STPG2: variants seen among roughly 807,000 people sequenced by gnomAD.
STPG2 encodes sperm-tail PG-rich repeat-containing protein 2.
In STPG2, 56 loss-of-function variants were observed where a neutral mutation model predicts 54.2. The observed-to-expected ratio is 1.03, with a 90% confidence interval of 0.83 to 1.29. STPG2 has a LOEUF of 1.29. STPG2 is among the 50% of genes most tolerant of loss of function. The pLI, the probability that STPG2 is intolerant of heterozygous loss-of-function variation, is 0.00. For missense variants in STPG2, 596 were observed against 544.9 expected (o/e 1.09, Z -0.93); for synonymous variants, 200 against 181.8 (o/e 1.10, Z -0.81).
chr4:97,675,942 T>C (rs1200917569), intron 10 of STPG2, among the ~76,000 whole-genome samples: 1 of 146,440 alleles, frequency 6.8e-6, no homozygotes, highest in Non-Finnish European at 1.5e-5. Context: ...ATATGCTATA[T>C]ATATAGTATA....
intron 8 of STPG2, among the ~76,000 whole-genome samples, chr4:97,930,872 T>C (rs376968322): frequency 2.6e-5 from 4 of 152,188 alleles, no homozygotes; most frequent in South Asian, 4.1e-4. Context: ...GAGCAGTGTT[T>C]TGTAATTCTC....
At chr4:98,142,782 A>G (rs1022576130) in intron 1 of STPG2, among the ~76,000 whole-genome samples, 1 of 152,196 alleles carries the variant, frequency 6.6e-6, no homozygotes, top group Admixed American at 6.5e-5. Flanking sequence ...AAACTGCACA[A>G]TCAAAAGTAG....
At chr4:97,839,948 T>C (rs1342622898) in intron 9 of STPG2, among the ~76,000 whole-genome samples, 3 of 151,628 alleles carry the variant, frequency 2.0e-5, no homozygotes, top group Non-Finnish European at 3.0e-5. Flanking sequence ...ACACCTGTAA[T>C]TTATTGTTGA....
chr4:97,862,516 G>T (rs933078143), intron 8 of STPG2, among the ~76,000 whole-genome samples: 62 of 151,758 alleles, frequency 4.1e-4, no homozygotes, highest in Non-Finnish European at 6.9e-4. Flanking sequence ...AACACCCCAT[G>T]GTCAACATTA....
chr4:97,795,310 T>A (rs557709052), intron 9 of STPG2, among the ~76,000 whole-genome samples: 2 of 152,308 alleles, frequency 1.3e-5, no homozygotes, highest in South Asian at 4.2e-4. Context: ...ACTCGTCATT[T>A]ACATTAGGTA....
At chr4:97,998,825 A>T (rs1735322500) in intron 5 of STPG2, among the ~76,000 whole-genome samples, 1 of 151,892 alleles carries the variant, frequency 6.6e-6, no homozygotes, top group African/African-American at 2.4e-5. Flanking sequence ...CCCTGGCAAG[A>T]CTCCATTTTG....
At chr4:98,130,297 T>G (rs1169075861) in intron 2 of STPG2, among the ~76,000 whole-genome samples, 5 of 152,186 alleles carry the variant, frequency 3.3e-5, no homozygotes, top group Non-Finnish European at 7.4e-5. Flanking sequence ...TGCCTCAGCC[T>G]CCCAAGTAGC....
intron 4 of STPG2, among the ~76,000 whole-genome samples, chr4:97,530,487 T>C (rs1254290751): frequency 1.3e-5 from 2 of 152,052 alleles, no homozygotes; most frequent in East Asian, 3.9e-4. Flanking sequence ...AAATTTTGTT[T>C]GAAAACCAAA....
intron 9 of STPG2, among the ~76,000 whole-genome samples, chr4:97,739,556 C>A (rs1030773849): frequency 6.6e-6 from 1 of 152,188 alleles, no homozygotes; most frequent in African/African-American, 2.4e-5. Flanking sequence ...CACAGAAATA[C>A]AAACTACCAT....
intron 9 of STPG2, among the ~76,000 whole-genome samples, chr4:97,798,267 G>T (rs537781370): frequency 1.5e-4 from 23 of 152,098 alleles, no homozygotes; most frequent in East Asian, 1.9e-4. Flanking sequence ...TCTTTTAATT[G>T]TGATGTTAGG....
intron 9 of STPG2, among the ~76,000 whole-genome samples, chr4:97,824,192 C>G (rs1728180256): frequency 6.6e-6 from 1 of 152,090 alleles, no homozygotes; most frequent in African/African-American, 2.4e-5. Context: ...GCTGCCTAAA[C>G]TTTTCAGTGT....
At chr4:97,933,551 G>A (rs1242573238) in intron 8 of STPG2, among the ~76,000 whole-genome samples, 1 of 152,110 alleles carries the variant, frequency 6.6e-6, no homozygotes, top group African/African-American at 2.4e-5. Context: ...TAAGGTGTAA[G>A]GAAGGGATCC....
At chr4:97,689,748 C>G (rs1241413687) in intron 10 of STPG2, among the ~76,000 whole-genome samples, 2 of 151,970 alleles carry the variant, frequency 1.3e-5, no homozygotes, top group Admixed American at 6.5e-5. Flanking sequence ...TCATTTAATA[C>G]TATTTAAGAC....
chr4:97,918,736 G>A (rs1241213059), intron 8 of STPG2, among the ~76,000 whole-genome samples: 6 of 152,030 alleles, frequency 3.9e-5, no homozygotes, highest in Non-Finnish European at 7.4e-5. Context: ...AACATCCTAT[G>A]TTCTCACTTA....
chr4:97,463,551 G>A (rs1729718029), intron 4 of STPG2: 1 of 152,112 alleles, frequency 6.6e-6, no homozygotes, highest in Admixed American at 6.6e-5. Flanking sequence ...TCAGGTCCAA[G>A]CGATTCTCCT....
At chr4:97,560,316 C>CA (rs1732192575) in intron 10 of STPG2, among the ~76,000 whole-genome samples, 1 of 152,128 alleles carries the variant, frequency 6.6e-6, no homozygotes, top group Admixed American at 6.6e-5. Context: ...TGTGCTCTGT[C>CA]ATCAATCATA....
At chr4:97,592,603 A>T (rs144546822) in intron 10 of STPG2, among the ~76,000 whole-genome samples, 7 of 152,260 alleles carry the variant, frequency 4.6e-5, no homozygotes, top group South Asian at 4.1e-4. Context: ...CATCAGGAAG[A>T]CTGGTACACT....
At chr4:97,646,725 A>T (rs1468391148) in intron 10 of STPG2, among the ~76,000 whole-genome samples, 1 of 147,916 alleles carries the variant, frequency 6.8e-6, no homozygotes, top group Non-Finnish European at 1.5e-5. Context: ...ACTGCTTAGT[A>T]AGTGATATAC....
intron 8 of STPG2, among the ~76,000 whole-genome samples, chr4:97,883,721 A>C (rs1246969835): frequency 6.6e-6 from 1 of 152,142 alleles, no homozygotes; most frequent in East Asian, 1.9e-4. Context: ...CAAGAAGAAG[A>C]AAAAAAGTTT....
Sources: gnomAD v4.1 joint callset for allele counts (sites outside exome capture counted in the v4.1 genomes callset) on GRCh38, gnomAD v4.1.1 for gene constraint, MANE v1.5 for transcripts, NCBI Gene and HGNC (gene_info 2026-07-23, HGNC 2026-07-21) for gene names.